Variants in KPNA1 observed in about 807,000 individuals in gnomAD.
The protein encoded by KPNA1 is importin subunit alpha-5.
In KPNA1, 10 loss-of-function variants were observed where a neutral mutation model predicts 70.5. The observed-to-expected ratio is 0.14, with a 90% CI of 0.09 to 0.24. The LOEUF (loss-of-function observed/expected upper bound fraction) is 0.24. KPNA1 is among the 10% of genes least tolerant of loss of function. The probability of loss-of-function intolerance (pLI) is 1.00; values close to 1 mark genes in which losing one functional copy is unlikely to be tolerated. For missense variants in KPNA1, 397 were observed against 637.9 expected, an observed-to-expected ratio of 0.62 and a Z score of 4.07; for synonymous variants, 192 against 221.9, an observed-to-expected ratio of 0.87 and a Z score of 1.20.
intron 2 of KPNA1, among the ~76,000 whole-genome samples, chr3:122,485,253 C>G (rs2107485312): frequency 6.6e-6 from 1 of 152,242 alleles, no homozygotes; most frequent in African/African-American, 2.4e-5. Context: ...AGCTCTAACA[C>G]TACCTGATTT....
At chr3:122,467,484 T>C (rs999126281) in intron 2 of KPNA1, 55 bp from the exon 3 acceptor site, 1 of 1,085,312 alleles carries the variant, frequency 9.2e-7, no homozygotes, top group Non-Finnish European at 1.4e-6. Flanking sequence ...ACAAGGGAGT[T>C]CAACATTCAA....
At chr3:122,441,876 C>T (rs182896533) in intron 10 of KPNA1, among the ~76,000 whole-genome samples, 162 bp downstream of exon 10, 1 of 152,264 alleles carries the variant, frequency 6.6e-6, no homozygotes, top group Non-Finnish European at 1.5e-5. Flanking sequence ...GCTGGGATTA[C>T]AGGCGTGAGT....
At chr3:122,478,993 TA>T (rs2076538898) in intron 2 of KPNA1, among the ~76,000 whole-genome samples, 1 of 149,110 alleles carries the variant, frequency 6.7e-6, no homozygotes, top group Non-Finnish European at 1.5e-5. Context: ...ATATTTTAGA[TA>T]CAACACCACA....
At chr3:122,506,127 T>G (rs1033774663) in intron 1 of KPNA1, among the ~76,000 whole-genome samples, 1 of 150,840 alleles carries the variant, frequency 6.6e-6, no homozygotes, top group Non-Finnish European at 1.5e-5. Context: ...ATATTCAAGA[T>G]GTTATATATT....
At chr3:122,461,382 T>C in intron 4 of KPNA1, 64 bp from the exon 5 acceptor site, 1 of 1,033,830 alleles carries the variant, frequency 9.7e-7, no homozygotes, top group Non-Finnish European at 1.5e-6. Context: ...ACTTAACAGC[T>C]CAAAACTTCT....
chr3:122,452,132 G>T, intron 6 of KPNA1, 68 bp from the exon 7 acceptor site: 9 of 988,394 alleles, frequency 9.1e-6, no homozygotes, highest in African/African-American at 1.6e-5. Context: ...TCAGATGCCA[G>T]TATATCACAA....
chr3:122,497,804 C>T (rs1456997691), intron 1 of KPNA1, among the ~76,000 whole-genome samples: 2 of 152,176 alleles, frequency 1.3e-5, no homozygotes, highest in Non-Finnish European at 2.9e-5. Context: ...GTTCTTTTTA[C>T]ATTCTAGATA....
At chr3:122,437,555 C>T (rs2076005308) in intron 10 of KPNA1, among the ~76,000 whole-genome samples, 1 of 152,158 alleles carries the variant, frequency 6.6e-6, no homozygotes, top group Admixed American at 6.5e-5. Flanking sequence ...ATTACAAAAG[C>T]ATTACTCATT....
intron 11 of KPNA1, among the ~76,000 whole-genome samples, chr3:122,434,590 T>C (rs1474777719): frequency 6.6e-6 from 1 of 152,190 alleles, no homozygotes; most frequent in East Asian, 1.9e-4. Context: ...TTAATTTACA[T>C]TCTCAATTTT....
intron 2 of KPNA1, among the ~76,000 whole-genome samples, chr3:122,476,902 A>G (rs1450703712): frequency 6.7e-6 from 1 of 150,092 alleles, no homozygotes. Context: ...AAGAATTACC[A>G]TATGATCCAG....
In KPNA1 at chr3:122,495,262, CAA is replaced by C. The variant is rs748751423; in HGVS notation, c.129+1173_129+1174del. Reference sequence around the variant, plus strand: ...GAGCGAGACTCTGCCTCAAACAAACCAAAAAAAAAAAAAGAAAAGGAAATTCA... The same window carrying C: ...GAGCGAGACTCTGCCTCAAACAAACCAAAAAAAAAAAGAAAAGGAAATTCA... On this transcript the variant is annotated intron_variant, in intron 2 of 13. Transcript: ENST00000344337. 1.2e-3 allele frequency among the ~76,000 whole-genome samples: 106 copies of C among 86,474 alleles called. 2 individuals are homozygous for C. The highest frequency in any genetic ancestry group is 4.1e-3 in the African/African-American group (96 of 23,500). The allele number at this position is 86,474 out of a possible 152,430, so 56.7% of individuals were successfully genotyped here. A position where few individuals can be genotyped will look rare whatever the true frequency, so the allele number is the denominator to read the frequency against.
At chr3:122,462,835 T>TTAC (rs2076339141) in intron 4 of KPNA1, among the ~76,000 whole-genome samples, 1 of 152,200 alleles carries the variant, frequency 6.6e-6, no homozygotes, top group Non-Finnish European at 1.5e-5. Flanking sequence ...GTTTAAGTAT[T>TTAC]TACTACCAAC....
chr3:122,495,411 A>G (rs1455985611), intron 2 of KPNA1, among the ~76,000 whole-genome samples: 1 of 152,166 alleles, frequency 6.6e-6, no homozygotes, highest in African/African-American at 2.4e-5. Context: ...TCAAGAACTC[A>G]TAACTTAATT....
chr3:122,506,380 A>G (rs1053048186), intron 1 of KPNA1, among the ~76,000 whole-genome samples: 2 of 152,248 alleles, frequency 1.3e-5, no homozygotes, highest in Non-Finnish European at 1.5e-5. Flanking sequence ...GTATAAGTAT[A>G]AAGTGTTCAG....
Position 122,464,000 on chromosome 3 carries a change from G to C in KPNA1, c.279C>G (p.Ser93=). 6.2e-7 allele frequency: 1 copy of C among 1,605,566 alleles called. No individual in the cohort carries two copies. The highest frequency in any genetic ancestry group is 1.1e-5 in the South Asian group (1 of 90,038). ...ITSDMIEMIF[S]KSPEQQLSAT... ...CTGAAAGCTGTTGCTCTGGGCTTTTGGAAAATATCATTTCAATCATGTCAG... is the reference window on the plus strand; with the variant it reads ...CTGAAAGCTGTTGCTCTGGGCTTTTCGAAAATATCATTTCAATCATGTCAG... The change falls in exon 4 of 14, where the codon TCC becomes TCG. Residue 93 remains serine, a synonymous_variant. Coordinates refer to ENST00000344337, the MANE Select transcript of KPNA1 (RefSeq NM_002264.4).
At position 122,427,590 on chromosome 3, in the gene KPNA1, T is replaced by C; in HGVS notation, c.1377A>G (p.Lys459=). The C allele has an allele frequency of 6.2e-7, 1 of 1,614,154 alleles. No homozygotes were observed. Among genetic ancestry groups the C allele is most frequent in the Non-Finnish European group, 8.5e-7 (1 of 1,180,028 alleles). The change falls in exon 13 of 14, where the codon AAA becomes AAG. Residue 459 remains lysine (K), a synonymous_variant. Transcript: ENST00000344337. ...AAGGGTTAATGCCAGTGCCATTCCT[T>C]TTGGCTTCCTGTTCTCCAAGCCTCA... ...NILRLGEQEA[K]RNGTGINPYC...
chr3:122,467,594 T>C (rs570535011), intron 2 of KPNA1, among the ~76,000 whole-genome samples, 165 bp from the exon 3 acceptor site: 4 of 152,196 alleles, frequency 2.6e-5, no homozygotes, highest in East Asian at 3.9e-4. Flanking sequence ...GATTTCTCCA[T>C]AGTCTTATAA....
intron 5 of KPNA1, among the ~76,000 whole-genome samples, chr3:122,458,960 A>G (rs918588105): frequency 6.6e-6 from 1 of 152,216 alleles, no homozygotes; most frequent in Non-Finnish European, 1.5e-5. Context: ...GAGTTAGGAC[A>G]GCTAAGACTA....
intron 2 of KPNA1, among the ~76,000 whole-genome samples, chr3:122,492,348 A>C (rs1290130365): frequency 3.3e-5 from 5 of 152,206 alleles, no homozygotes; most frequent in Admixed American, 3.3e-4. Flanking sequence ...TCTTGGCCAA[A>C]TCATTCAAAC....
Sources: allele counts gnomAD v4.1 joint callset (sites outside exome capture counted in the v4.1 genomes callset), GRCh38; gene constraint gnomAD v4.1.1; transcripts MANE v1.5; gene names NCBI Gene and HGNC (gene_info 2026-07-23, HGNC 2026-07-21).